PDZD8: variants seen among roughly 807,000 people sequenced by gnomAD.
PDZD8 encodes PDZ domain-containing protein 8.
Under a neutral mutation model 85.8 loss-of-function variants are expected in PDZD8, and 14 were observed. The ratio of observed to expected loss-of-function variants is 0.16; its 90% confidence interval spans 0.11 to 0.26. The LOEUF (loss-of-function observed/expected upper bound fraction) is 0.26, where lower values mean the gene tolerates loss of function less well. Among genes scored for constraint, PDZD8 ranks in the 10% least tolerant of loss-of-function variants. PDZD8 has a pLI of 1.00. For synonymous variants in PDZD8, 592 were observed against 568.6 expected (o/e 1.04, Z -0.59); for missense variants, 1,197 against 1,424.3 (o/e 0.84, Z 2.57).
intron 1 of PDZD8, among the ~76,000 whole-genome samples, chr10:117,368,573 ATTTACTTTGAAAGAT>A (rs926123386): frequency 7.2e-5 from 11 of 152,198 alleles, no homozygotes; most frequent in African/African-American, 1.2e-4. Flanking sequence ...TTTTCTGTGA[ATTTACTTTGAAAGAT>A]TTTGAGATAC....
At chr10:117,324,090 T>C (rs1049901329) in intron 2 of PDZD8, among the ~76,000 whole-genome samples, 5 of 150,976 alleles carry the variant, frequency 3.3e-5, no homozygotes, top group Non-Finnish European at 7.4e-5. Flanking sequence ...TAGCCAGATG[T>C]GGTAGTGCAC....
intron 2 of PDZD8, among the ~76,000 whole-genome samples, chr10:117,331,809 A>G (rs1844425236): frequency 1.3e-5 from 2 of 152,226 alleles, no homozygotes; most frequent in Admixed American, 6.5e-5. Flanking sequence ...GAGGTATACA[A>G]TTACAAAAGA....
chr10:117,354,932 A>G (rs1383367333), intron 1 of PDZD8, among the ~76,000 whole-genome samples: 1 of 152,172 alleles, frequency 6.6e-6, no homozygotes, highest in Non-Finnish European at 1.5e-5. Flanking sequence ...TGTAATTTTC[A>G]AAACCTCTAT....
At chr10:117,298,023 C>T (rs1843784240) in intron 3 of PDZD8, among the ~76,000 whole-genome samples, 1 of 151,954 alleles carries the variant, frequency 6.6e-6, no homozygotes, top group Non-Finnish European at 1.5e-5. Flanking sequence ...TTAGATGATC[C>T]TTAAGTTAAT....
intron 1 of PDZD8, among the ~76,000 whole-genome samples, chr10:117,371,416 C>T (rs1554859522): frequency 6.6e-6 from 1 of 152,176 alleles, no homozygotes; most frequent in Non-Finnish European, 1.5e-5. Flanking sequence ...CACTCCTGAC[C>T]TTAAGTAATC....
At chr10:117,307,869 A>C (rs1025956954) in intron 3 of PDZD8, among the ~76,000 whole-genome samples, 5 of 152,062 alleles carry the variant, frequency 3.3e-5, no homozygotes, top group African/African-American at 7.2e-5. Context: ...GCAAAAACAA[A>C]AATTTTAACT....
At chr10:117,318,689 T>C (rs1316806822) in intron 3 of PDZD8, among the ~76,000 whole-genome samples, 183 bp downstream of exon 3, 2 of 152,200 alleles carry the variant, frequency 1.3e-5, no homozygotes, top group Non-Finnish European at 2.9e-5. Context: ...ATGAATACTA[T>C]TTATAGTTTC....
chr10:117,344,768 AGAG>A (rs1341933244), intron 1 of PDZD8, among the ~76,000 whole-genome samples: 1 of 152,190 alleles, frequency 6.6e-6, no homozygotes, highest in Non-Finnish European at 1.5e-5. Context: ...CTCCCTGGGA[AGAG>A]GAGGATAGGA....
chr10:117,345,694 CA>C (rs1844693491), intron 1 of PDZD8, among the ~76,000 whole-genome samples: 1 of 151,674 alleles, frequency 6.6e-6, no homozygotes, highest in South Asian at 2.1e-4. Flanking sequence ...AAAGAAAAAA[CA>C]AAACAAAACA....
chr10:117,325,782 TGAACTG>T (rs1485969485), intron 2 of PDZD8, among the ~76,000 whole-genome samples: 1 of 152,136 alleles, frequency 6.6e-6, no homozygotes, highest in East Asian at 1.9e-4. Context: ...TCCTATAGAC[TGAACTG>T]GATCCTGGAT....
At chr10:117,294,140 C>A (rs1019832965) in intron 3 of PDZD8, among the ~76,000 whole-genome samples, 1 of 151,740 alleles carries the variant, frequency 6.6e-6, no homozygotes, top group African/African-American at 2.4e-5. Context: ...AGAAATTAAA[C>A]CCCAAAGTAG....
intron 1 of PDZD8, among the ~76,000 whole-genome samples, chr10:117,344,940 C>T (rs1468144968): frequency 6.6e-6 from 1 of 152,126 alleles, no homozygotes; most frequent in East Asian, 1.9e-4. Context: ...CTTGCCCTGG[C>T]TCATGAGGAA....
intron 3 of PDZD8, among the ~76,000 whole-genome samples, chr10:117,312,122 G>C (rs900735394): frequency 5.3e-5 from 8 of 152,078 alleles, no homozygotes; most frequent in Non-Finnish European, 1.0e-4. Flanking sequence ...GAATGTATCC[G>C]AGGGCAAACA....
intron 1 of PDZD8, among the ~76,000 whole-genome samples, chr10:117,364,204 GTGTGAGAGTGTGTGTGTGTC>G (rs965254731): frequency 1.3e-5 from 2 of 151,618 alleles, no homozygotes; most frequent in Non-Finnish European, 2.9e-5. Context: ...GTGTGTGTGT[GTGTGAGAGTGTGTGTGTGTC>G]TGTGTGTCTG....
At chr10:117,309,730 A>T (rs1844003360) in intron 3 of PDZD8, among the ~76,000 whole-genome samples, 1 of 152,202 alleles carries the variant, frequency 6.6e-6, no homozygotes, top group Non-Finnish European at 1.5e-5. Flanking sequence ...TTCAATAAAC[A>T]TTATTGACTA....
intron 1 of PDZD8, among the ~76,000 whole-genome samples, chr10:117,373,208 TGTATACCACAAAA>T (rs1463433147): frequency 6.6e-6 from 1 of 152,140 alleles, no homozygotes; most frequent in Non-Finnish European, 1.5e-5. Context: ...TACTCAAAAC[TGTATACCACAAAA>T]TTTAAGCCAT....
Position 117,324,453 on chromosome 10 carries a change from T to C in PDZD8, c.996-5479A>G, listed in dbSNP as rs370614368. Among the ~76,000 whole-genome samples, 22 of 152,284 alleles carry C rather than the reference T, an allele frequency of 1.4e-4. 1 individual carries two copies. The South Asian group carries it at 4.1e-3, about 29-fold the overall frequency. On this transcript the variant is annotated intron_variant, in intron 2 of 4. Coordinates refer to ENST00000334464, the MANE Select transcript of PDZD8 (RefSeq NM_173791.5). ...TTTCTTTGTCAATTGCTGATTATAA[T>C]GAACTCTCATCAGATTTTTAGCCAT...
intron 3 of PDZD8, among the ~76,000 whole-genome samples, chr10:117,292,771 C>CAA (rs201930944): frequency 1.4e-4 from 18 of 126,306 alleles, no homozygotes; most frequent in South Asian, 5.0e-4. Context: ...ATTCCAGATG[C>CAA]AAAAAAAAAA....
In PDZD8 at chr10:117,374,338, C is replaced by T. The variant is rs1384833154; in HGVS notation, c.872+18G>A. The stretch of plus-strand genomic sequence containing the variant: ...CGGGTTCCCGGCAGCCAGGCCCCCT[C>T]CCCGACCTCCAGCTCACCTGATCTT... On this transcript the variant is annotated intron_variant, in intron 1 of 4. Coordinates refer to ENST00000334464, the MANE Select transcript of PDZD8 (RefSeq NM_173791.5). This position sits in a 1 kb window ranked among gnomAD's most constrained non-coding sequence, Gnocchi z 7.8. The T allele has an allele frequency of 2.7e-5, 43 of 1,608,278 alleles. No individual in the cohort carries two copies. Among genetic ancestry groups the T allele is most frequent in the Non-Finnish European group, 3.7e-5 (43 of 1,175,782 alleles).
Sources: gnomAD v4.1 joint callset for allele counts (sites outside exome capture counted in the v4.1 genomes callset) on GRCh38, gnomAD v4.1.1 for gene constraint, Gnocchi (gnomAD v3.1) non-coding constraint, MANE v1.5 for transcripts, NCBI Gene and HGNC (gene_info 2026-07-23, HGNC 2026-07-21) for gene names.